DBN1: variants seen among roughly 807,000 people sequenced by gnomAD.
The protein encoded by DBN1 is drebrin 1.
A neutral mutation model predicts 83.5 loss-of-function variants in DBN1; 21 were observed. The ratio of observed to expected loss-of-function variants is 0.25; its 90% CI spans 0.18 to 0.36. The LOEUF (loss-of-function observed/expected upper bound fraction) is 0.36, where lower values mean the gene tolerates loss of function less well. Among genes scored for constraint, DBN1 ranks in the 10% least tolerant of loss-of-function variants. The pLI is 1.00. For missense variants in DBN1, 874 were observed against 935.7 expected, an observed-to-expected ratio of 0.93 and a Z score of 0.86; for synonymous variants, 381 against 384.9, an observed-to-expected ratio of 0.99 and a Z score of 0.12.
chr5:177,473,116 G>A (rs1405793904), intron 1 of DBN1: 2 of 151,654 alleles, frequency 1.3e-5, no homozygotes, highest in Non-Finnish European at 2.9e-5. Context: ...CCGGGGGGTA[G>A]GGTGGGGGAT....
At position 177,457,388 on chromosome 5, in the gene DBN1, C is replaced by T. The variant is rs777753551; in HGVS notation, c.*45G>A. The T allele has an allele frequency of 2.6e-6, 4 of 1,543,596 alleles. No individual in the cohort carries two copies. The highest frequency in any genetic ancestry group is 1.7e-5 in the Admixed American group (1 of 59,894). ...CGGGCCGTCTGGCCAGAGGCTGATG[C>T]AGGTGGGCGGCCTTGGCAAGGGTAG... On this transcript the variant is annotated 3_prime_UTR_variant, in exon 15 of 15. Transcript: ENST00000393565.
At chr5:177,463,776 A>G (rs1473857536) in intron 8 of DBN1, among the ~76,000 whole-genome samples, 1 of 152,216 alleles carries the variant, frequency 6.6e-6, no homozygotes, top group African/African-American at 2.4e-5. Context: ...AAATCAGCTC[A>G]GGGGGTTCAC....
chr5:177,472,647 C>T (rs1363431440), intron 1 of DBN1: 1 of 467,772 alleles, frequency 2.1e-6, no homozygotes. Context: ...TCTTTGGGGG[C>T]TCCCTCCACA....
intron 1 of DBN1, among the ~76,000 whole-genome samples, chr5:177,470,014 G>A (rs559769835): frequency 3.3e-5 from 5 of 152,362 alleles, no homozygotes; most frequent in East Asian, 3.9e-4. Flanking sequence ...GAAGAGAAAG[G>A]ACAGAAGTGA....
In DBN1 at chr5:177,466,104, G is replaced by A. The variant is rs983789146; in HGVS notation, c.771+668C>T. Among the ~76,000 whole-genome samples the A allele has an allele frequency of 9.9e-5, 15 of 152,116 alleles. No individual in the cohort carries two copies. Among genetic ancestry groups the A allele is most frequent in the African/African-American group, 3.4e-4 (14 of 41,412 alleles). On this transcript the variant is annotated intron_variant, in intron 8 of 14. Transcript: ENST00000393565. The surrounding 1 kb of genome is among the most constrained non-coding windows in gnomAD (Gnocchi z 4.8). Reference sequence around the variant, plus strand: ...CCTCCTGTGGGTGACTCCGGAGCCCGTTTGAGTCCCCACAGCCATGCATCT... The same window carrying A: ...CCTCCTGTGGGTGACTCCGGAGCCCATTTGAGTCCCCACAGCCATGCATCT...
chr5:177,458,655 GGCT>G lies in DBN1; in HGVS notation c.1314_1316del (p.Ala439del). The G allele has an allele frequency of 6.3e-7, 1 of 1,584,534 alleles. No individual in the cohort carries two copies. ...CCATGGGGCCGGCCCAGGCCTGAGG[GGCT>G]GCTGCTCTGGTCTCCTCACTGTCTA... On this transcript the variant is annotated inframe_deletion, in exon 13 of 15. Coordinates refer to ENST00000393565, the MANE Select transcript of DBN1 (RefSeq NM_001363541.2).
Position 177,467,537 on chromosome 5 carries a change from A to G in DBN1, c.421T>C (p.Ser141Pro). Residue 141 changes from serine to proline, a missense_variant, in exon 5 of 15, where the codon TCC (serine) becomes CCC (proline). Physicochemically the swap from Ser to Pro is moderately conservative, Grantham distance 74 (BLOSUM62 -1). Around this residue, in one of 4 missense-constraint regions of DBN1, gnomAD observed 65 missense variants for 97.3 expected, o/e 0.67. Coordinates refer to ENST00000393565, the MANE Select transcript of DBN1 (RefSeq NM_001363541.2). The surrounding 1 kb of genome is among the most constrained non-coding windows in gnomAD (Gnocchi z 9.1). ...QRLSNGLARL[S>P]SPVLHRLRLR... ...CGCAGTCGGTGCAGCACAGGGCTGG[A>G]GAGTCGCGCCAGCCCGTTAGAGAGC... The G allele has an allele frequency of 6.4e-7, 1 of 1,567,262 alleles. No homozygotes were observed. Among genetic ancestry groups the G allele is most frequent in the Non-Finnish European group, 8.7e-7 (1 of 1,156,064 alleles).
In DBN1 at chr5:177,467,981, GCCCCGGCCGC is replaced by G; in HGVS notation, c.255+117_255+126del. ...TCTGGGCCTTCAGTTCCCTTCCCCAGCCCCGGCCGCATACCCAGTTGATGAGCAGCTCTGG... is the reference window on the plus strand; with the variant it reads ...TCTGGGCCTTCAGTTCCCTTCCCCAGATACCCAGTTGATGAGCAGCTCTGG... On this transcript the variant is annotated intron_variant, in intron 3 of 14. Transcript: ENST00000393565. The surrounding 1 kb of genome is among the most constrained non-coding windows in gnomAD (Gnocchi z 9.1). 2 of 1,144,860 alleles carry G rather than the reference GCCCCGGCCGC, an allele frequency of 1.7e-6. No individual in the cohort carries two copies. Among genetic ancestry groups the G allele is most frequent in the South Asian group, 1.3e-5 (1 of 75,948 alleles). The allele number at this position is 1,144,860 out of a possible 1,614,324, so 70.9% of individuals were successfully genotyped here.
chr5:177,463,774 T>C (rs1488945155), intron 8 of DBN1, among the ~76,000 whole-genome samples: 1 of 152,172 alleles, frequency 6.6e-6, no homozygotes, highest in Non-Finnish European at 1.5e-5. Context: ...ATAAATCAGC[T>C]CAGGGGGTTC....
chr5:177,466,668 C>A lies in DBN1; in HGVS notation c.771+104G>T. On this transcript the variant is annotated intron_variant, in intron 8 of 14. Coordinates refer to ENST00000393565, the MANE Select transcript of DBN1 (RefSeq NM_001363541.2). The surrounding 1 kb of genome is among the most constrained non-coding windows in gnomAD (Gnocchi z 4.8). Reference sequence around the variant, plus strand: ...GTGCCCATGCAGCTCCCCAGAACAGCCACCACTGTCCCTGAGCCACTGATC... The same window carrying A: ...GTGCCCATGCAGCTCCCCAGAACAGACACCACTGTCCCTGAGCCACTGATC... The A allele has an allele frequency of 7.5e-7, 1 of 1,337,724 alleles. No homozygotes were observed. The highest frequency in any genetic ancestry group is 1.1e-6 in the Non-Finnish European group (1 of 929,524). The allele number at this position is 1,337,724 out of a possible 1,614,324, so 82.9% of individuals were successfully genotyped here.
chr5:177,463,444 T>C (rs1202260258), intron 8 of DBN1, among the ~76,000 whole-genome samples: 1 of 152,240 alleles, frequency 6.6e-6, no homozygotes, highest in African/African-American at 2.4e-5. Flanking sequence ...AAGCCACTGC[T>C]GTGCCTAAAG....
chr5:177,460,275 G>A (rs555858055), intron 10 of DBN1, among the ~76,000 whole-genome samples, 157 bp downstream of exon 10: 1 of 152,318 alleles, frequency 6.6e-6, no homozygotes, highest in South Asian at 2.1e-4. Context: ...TTGGGGTCCT[G>A]CCACCTGGGA....
At position 177,459,587 on chromosome 5, in the gene DBN1, TG is replaced by T; in HGVS notation, c.1093+15del. 6.7e-7 allele frequency: 1 copy of T among 1,496,364 alleles called. No homozygotes were observed. The allele number at this position is 1,496,364 out of a possible 1,614,324, so 92.7% of individuals were successfully genotyped here. ...CCTCCTTACCACCCCCGCCGAGGCC[TG>T]GGGCTGCTACCTACATGGGAGGGAG... On this transcript the variant is annotated intron_variant, in intron 11 of 14. Transcript: ENST00000393565.
chr5:177,460,812 C>T (rs1756976601), intron 8 of DBN1, 109 bp from the exon 9 acceptor site: 1 of 1,120,472 alleles, frequency 8.9e-7, no homozygotes, highest in South Asian at 1.5e-5. Flanking sequence ...CAGGTTCTCG[C>T]CCTACCACCC....
chr5:177,458,440 G>A lies in DBN1; in HGVS notation c.1532C>T (p.Ala511Val), dbSNP rs748939490. The change falls in exon 13 of 15, where the codon GCC (alanine) becomes GTC (valine). Residue 511 changes from alanine to valine, a missense_variant. Physicochemically the swap from Ala to Val is moderately conservative, Grantham distance 64 (BLOSUM62 0). Transcript: ENST00000393565. ...TDTATADTTVANNVPPAATSL... is the reference protein window; with the variant it reads ...TDTATADTTVVNNVPPAATSL... ...GGTGGCGGCGGGGGGTACGTTGTTG[G>A]CAACAGTGGTGTCAGCAGTGGCAGT... 2 of 1,614,064 alleles carry A rather than the reference G, an allele frequency of 1.2e-6. No homozygotes were observed. Among genetic ancestry groups the A allele is most frequent in the South Asian group, 2.2e-5 (2 of 91,094 alleles).
rs1757507957 is a variant in DBN1, at chr5:177,467,206, T to A, written c.555+49A>T. The stretch of plus-strand genomic sequence containing the variant: ...CAGTGAGGGACTCAGACCTGCCCCA[T>A]GGGGTCCATGAGGGGTGGCTCAGCC... On this transcript the variant is annotated intron_variant, in intron 6 of 14. Transcript: ENST00000393565. The surrounding 1 kb of genome is among the most constrained non-coding windows in gnomAD (Gnocchi z 9.1). 8 of 1,610,910 alleles carry A rather than the reference T, an allele frequency of 5.0e-6. No homozygotes were observed. The highest frequency in any genetic ancestry group is 6.8e-6 in the Non-Finnish European group (8 of 1,177,376).
Position 177,459,257 on chromosome 5 carries a change from C to A in DBN1, c.1105G>T (p.Asp369Tyr). ...LSSSLPCSHL[D>Y]SHRRMAPTPI... Reference sequence around the variant, plus strand: ...GTGGGCGCCATCCTCCGGTGGCTGTCCAGGTGGCTGCCTGTGGAACAAACC... The same window carrying A: ...GTGGGCGCCATCCTCCGGTGGCTGTACAGGTGGCTGCCTGTGGAACAAACC... Residue 369 changes from aspartate to tyrosine, a missense_variant, in exon 12 of 15, where the codon GAC (aspartate) becomes TAC (tyrosine). Physicochemically the swap from Asp to Tyr is radical, Grantham distance 160. Around this residue, in one of 4 missense-constraint regions of DBN1, gnomAD observed 725 missense variants for 719.7 expected, o/e 1.01. Coordinates refer to ENST00000393565, the MANE Select transcript of DBN1 (RefSeq NM_001363541.2). 1 of 1,607,176 alleles carries A rather than the reference C, an allele frequency of 6.2e-7. No individual in the cohort carries two copies.
At position 177,459,669 on chromosome 5, in the gene DBN1, GGGA is replaced by G. The variant is rs779717784; in HGVS notation, c.1024_1026del (p.Ser342del). 14 of 1,592,698 alleles carry G rather than the reference GGGA, an allele frequency of 8.8e-6. No homozygotes were observed. The highest frequency in any genetic ancestry group is 2.3e-5 in the South Asian group (2 of 87,960). On this transcript the variant is annotated inframe_deletion, in exon 11 of 15. Coordinates refer to ENST00000393565, the MANE Select transcript of DBN1 (RefSeq NM_001363541.2). ...ATATAGGGAAAGGGAGTCCGTGGAGGGGAGGAGGAGGAAGAGGAGGAGGAGGAA... is the reference window on the plus strand; with the variant it reads ...ATATAGGGAAAGGGAGTCCGTGGAGGGGAGGAGGAAGAGGAGGAGGAGGAA...
In DBN1 at chr5:177,467,838, A is replaced by G. The variant is rs930621304; in HGVS notation, c.256-21T>C. 3 of 1,573,866 alleles carry G rather than the reference A, an allele frequency of 1.9e-6. No homozygotes were observed. The highest frequency in any genetic ancestry group is 2.6e-6 in the Non-Finnish European group (3 of 1,160,424). ...CCCACCTGCAAAGTACCCAGCAAAG[A>G]GGGGGTCAGGAAAGGACAAGGGGGG... On this transcript the variant is annotated intron_variant, in intron 3 of 14. Transcript: ENST00000393565. This position sits in a 1 kb window ranked among gnomAD's most constrained non-coding sequence, Gnocchi z 9.1.
Sources: allele counts gnomAD v4.1 joint callset (sites outside exome capture counted in the v4.1 genomes callset), GRCh38; gene constraint gnomAD v4.1.1; regional missense constraint gnomAD v4.1.1; non-coding constraint Gnocchi (gnomAD v3.1); transcripts MANE v1.5; gene names NCBI Gene and HGNC (gene_info 2026-07-23, HGNC 2026-07-21).